Variants in EYS observed in about 807,000 individuals in gnomAD.
EYS encodes the protein EGF-like photoreceptor maintenance factor.
Under a neutral mutation model 282.1 loss-of-function variants are expected in EYS, and 250 were observed. The ratio of observed to expected loss-of-function variants is 0.89; its 90% CI spans 0.80 to 0.98. The LOEUF (loss-of-function observed/expected upper bound fraction) is 0.98. Among genes scored for constraint, EYS ranks in the 50% least tolerant of loss-of-function variants. EYS has a pLI of 0.00. For missense variants in EYS, 4,016 were observed against 3,709.0 expected, an observed-to-expected ratio of 1.08 and a Z score of -2.15; for synonymous variants, 1,355 against 1,282.9, an observed-to-expected ratio of 1.06 and a Z score of -1.20.
chr6:64,191,706 A>G (rs895878335), intron 31 of EYS, among the ~76,000 whole-genome samples: 2 of 151,788 alleles, frequency 1.3e-5, no homozygotes, highest in Non-Finnish European at 2.9e-5. Context: ...TATGTGCCAC[A>G]TTTTCTTAAT....
At chr6:64,164,164 T>A (rs934589972) in intron 31 of EYS, among the ~76,000 whole-genome samples, 2 of 152,094 alleles carry the variant, frequency 1.3e-5, no homozygotes, top group African/African-American at 4.8e-5. Context: ...GCCTGGAAAA[T>A]AACCACTGTT....
intron 19 of EYS, among the ~76,000 whole-genome samples, chr6:64,882,298 T>C (rs1272493630): frequency 1.3e-5 from 2 of 151,810 alleles, no homozygotes; most frequent in Non-Finnish European, 3.0e-5. Context: ...CACATCGACT[T>C]GGCACATTGA....
At chr6:65,107,651 T>C (rs926471552) in intron 12 of EYS, among the ~76,000 whole-genome samples, 1 of 149,816 alleles carries the variant, frequency 6.7e-6, no homozygotes, top group Non-Finnish European at 1.5e-5. Context: ...CCAGGAAAGA[T>C]TTATTTTCCC....
chr6:64,616,717 T>C lies in EYS; in HGVS notation c.3684+701A>G, dbSNP rs77965362. Among the ~76,000 whole-genome samples, 508 of 152,234 alleles carry C rather than the reference T, an allele frequency of 3.3e-3. 2 individuals are homozygous for C. Among genetic ancestry groups the C allele is most frequent in the African/African-American group, 0.012 (478 of 41,550 alleles). ...TGGCCAGATGCTTGAAGTATGATTC[T>C]TTATTCTGGCACTGACTCTAGTCAC... On this transcript the variant is annotated intron_variant, in intron 24 of 42. Transcript: ENST00000503581.
At chr6:64,364,112 C>T (rs897544056) in intron 29 of EYS, among the ~76,000 whole-genome samples, 2 of 151,802 alleles carry the variant, frequency 1.3e-5, no homozygotes, top group Non-Finnish European at 2.9e-5. Context: ...GAAATTTAGT[C>T]TCTAGGCTTT....
At chr6:65,620,675 C>T (rs952708459) in intron 2 of EYS, among the ~76,000 whole-genome samples, 52 of 150,602 alleles carry the variant, frequency 3.5e-4, no homozygotes, top group Non-Finnish European at 6.9e-4. Flanking sequence ...TTCCTGCTTT[C>T]TCTTGTGGGC....
intron 28 of EYS, among the ~76,000 whole-genome samples, chr6:64,435,613 A>G (rs1774716435): frequency 6.6e-6 from 1 of 151,912 alleles, no homozygotes; most frequent in Non-Finnish European, 1.5e-5. Flanking sequence ...ACAAAAAAGC[A>G]TTACATCTAT....
At chr6:64,231,472 C>T (rs1766424080) in intron 30 of EYS, among the ~76,000 whole-genome samples, 1 of 152,060 alleles carries the variant, frequency 6.6e-6, no homozygotes, top group African/African-American at 2.4e-5. Flanking sequence ...TAATAAGTAC[C>T]TTAAATTCTC....
At chr6:64,339,260 C>A (rs2150395430) in intron 29 of EYS, among the ~76,000 whole-genome samples, 1 of 151,790 alleles carries the variant, frequency 6.6e-6, no homozygotes, top group South Asian at 2.1e-4. Flanking sequence ...CCAGAATCTA[C>A]AATGAACTCA....
intron 11 of EYS, among the ~76,000 whole-genome samples, chr6:65,302,315 A>C (rs1370041019): frequency 1.3e-5 from 2 of 152,208 alleles, no homozygotes; most frequent in African/African-American, 4.8e-5. Flanking sequence ...TTCGACCTAC[A>C]GGCGTAATAG....
At chr6:65,334,369 C>T (rs1769902391) in intron 11 of EYS, among the ~76,000 whole-genome samples, 2 of 151,694 alleles carry the variant, frequency 1.3e-5, no homozygotes, top group Admixed American at 6.6e-5. Flanking sequence ...TCAAGTGATA[C>T]TTCTTCCTCA....
intron 36 of EYS, among the ~76,000 whole-genome samples, chr6:63,829,382 A>G (rs1771561991): frequency 6.6e-6 from 1 of 152,132 alleles, no homozygotes; most frequent in African/African-American, 2.4e-5. Context: ...TGCTTCTCCA[A>G]TGGTCTTAGC....
chr6:64,807,033 C>T (rs1764451181), intron 22 of EYS, among the ~76,000 whole-genome samples: 1 of 152,052 alleles, frequency 6.6e-6, no homozygotes, highest in African/African-American at 2.4e-5. Flanking sequence ...GTTAATAAAA[C>T]TTACATGCAT....
At chr6:65,691,162 C>T (rs1769227687) in intron 1 of EYS, among the ~76,000 whole-genome samples, 1 of 150,222 alleles carries the variant, frequency 6.7e-6, no homozygotes, top group Non-Finnish European at 1.5e-5. Flanking sequence ...GCCATTCTGC[C>T]TTCCACAATG....
At chr6:65,348,599 C>A (rs1019056605) in intron 9 of EYS, among the ~76,000 whole-genome samples, 1 of 151,554 alleles carries the variant, frequency 6.6e-6, no homozygotes, top group African/African-American at 2.4e-5. Flanking sequence ...GTTGTTTGAG[C>A]TCCTTCTGTA....
chr6:64,490,625 C>T (rs1418240772), intron 26 of EYS, among the ~76,000 whole-genome samples: 1 of 150,626 alleles, frequency 6.6e-6, no homozygotes, highest in Admixed American at 6.7e-5. Context: ...TAATATAAGG[C>T]CTTTTAAAAT....
rs189012744 is a variant in EYS, at chr6:65,429,476, C to T, written c.863-24109G>A. Among the ~76,000 whole-genome samples the T allele has an allele frequency of 5.9e-5, 9 of 152,246 alleles. No individual in the cohort carries two copies. In the East Asian group the frequency reaches 1.7e-3, roughly 29 times the overall value. ...TACTAACAGCTTCATTTCTTATAGCCTTATAGCTAAAGAGAAAGCTAAATA... is the reference window on the plus strand; with the variant it reads ...TACTAACAGCTTCATTTCTTATAGCTTTATAGCTAAAGAGAAAGCTAAATA... On this transcript the variant is annotated intron_variant, in intron 5 of 42. Coordinates refer to ENST00000503581, the MANE Select transcript of EYS (RefSeq NM_001142800.2).
At chr6:64,793,422 G>A (rs1041282199) in intron 22 of EYS, among the ~76,000 whole-genome samples, 1 of 152,066 alleles carries the variant, frequency 6.6e-6, no homozygotes, top group South Asian at 2.1e-4. Flanking sequence ...CCCTAATGTC[G>A]AGGATCTTAA....
chr6:64,537,008 T>A (rs56022831), intron 26 of EYS, among the ~76,000 whole-genome samples: 2,306 of 149,908 alleles, frequency 0.015, 48 homozygotes, highest in African/African-American at 0.053. Context: ...TTATTTATTT[T>A]GTTTTTTTTT....
Sources: gnomAD v4.1 joint callset for allele counts (sites outside exome capture counted in the v4.1 genomes callset) on GRCh38, gnomAD v4.1.1 for gene constraint, MANE v1.5 for transcripts, NCBI Gene and HGNC (gene_info 2026-07-23, HGNC 2026-07-21) for gene names.